The following MYCBP2 variants were observed in gnomAD, a reference collection of about 807,000 sequenced individuals.
MYCBP2 encodes E3 ubiquitin-protein ligase MYCBP2.
In MYCBP2, 120 loss-of-function variants were observed where a neutral mutation model predicts 525.3. The ratio of observed to expected loss-of-function variants is 0.23; its 90% CI spans 0.20 to 0.27. The LOEUF is 0.27. Among genes scored for constraint, MYCBP2 ranks in the 10% least tolerant of loss-of-function variants. The pLI, the probability that MYCBP2 is intolerant of heterozygous loss-of-function variation, is 1.00. For synonymous variants in MYCBP2, 1,894 were observed against 1,955.8 expected (o/e 0.97, Z 0.83); for missense variants, 4,149 against 5,657.1 (o/e 0.73, Z 8.55).
intron 15 of MYCBP2, among the ~76,000 whole-genome samples, chr13:77,249,807 TAAAG>T (rs1216180329): frequency 6.6e-6 from 1 of 152,142 alleles, no homozygotes; most frequent in Non-Finnish European, 1.5e-5. Flanking sequence ...AATTTAAAAA[TAAAG>T]AAGTTAGGTG....
chr13:77,078,756 T>C, intron 66 of MYCBP2, 68 bp downstream of exon 66: 9 of 1,259,228 alleles, frequency 7.1e-6, no homozygotes, highest in South Asian at 1.2e-5. Context: ...TGGAATTCAA[T>C]AGTGAAGGCT....
chr13:77,069,915 T>C (rs1005865417), intron 69 of MYCBP2, among the ~76,000 whole-genome samples: 3 of 152,096 alleles, frequency 2.0e-5, no homozygotes, highest in African/African-American at 7.2e-5. Flanking sequence ...ATCAATATTT[T>C]ATTTGACTTT....
At position 77,206,700 on chromosome 13, in the gene MYCBP2, C is replaced by G. The variant is rs766614571; in HGVS notation, c.3542G>C (p.Gly1181Ala). ...AGATCGGGTAGTGAGGGCCCTTGAT[C>G]CTGTTGGTAAGGCAAGTTCAGGACT... is the stretch of plus-strand genomic sequence containing the variant. ...ILSPELALPT[G>A]SRALTTRSHA... is the part of the protein sequence containing the mutation. Residue 1181 changes from glycine to alanine, a missense_variant, in exon 24 of 83, where the codon GGA becomes GCA. By Grantham distance (60) the Gly-to-Ala change is moderately conservative. Coordinates refer to ENST00000544440, the MANE Select transcript of MYCBP2 (RefSeq NM_015057.5). The G allele has an allele frequency of 6.2e-7, 1 of 1,609,934 alleles. No homozygotes were observed. Among genetic ancestry groups the G allele is most frequent in the Non-Finnish European group, 8.5e-7 (1 of 1,177,818 alleles).
intron 1 of MYCBP2, among the ~76,000 whole-genome samples, chr13:77,308,229 T>A (rs900087478): frequency 6.6e-6 from 1 of 152,166 alleles, no homozygotes; most frequent in Non-Finnish European, 1.5e-5. Context: ...ACCAATAAAA[T>A]AGAGACACCA....
chr13:77,310,777 C>T (rs558187817), intron 1 of MYCBP2, among the ~76,000 whole-genome samples: 1,821 of 112,372 alleles, frequency 0.016, 26 homozygotes, highest in Middle Eastern at 0.031. Flanking sequence ...GACGTGTGTG[C>T]GTGCGCATGC....
At chr13:77,168,805 AAAG>A (rs1432966753) in intron 39 of MYCBP2, among the ~76,000 whole-genome samples, 159 bp from the exon 40 acceptor site, 6 of 152,252 alleles carry the variant, frequency 3.9e-5, no homozygotes, top group Non-Finnish European at 7.3e-5. Context: ...TTGATTAAAA[AAAG>A]ATTTATCTTA....
Position 77,326,881 on chromosome 13 carries a change from C to G in MYCBP2, c.-106G>C. 1 of 1,072,748 alleles carries G rather than the reference C, an allele frequency of 9.3e-7. No homozygotes were observed. Among genetic ancestry groups the G allele is most frequent in the Non-Finnish European group, 1.2e-6 (1 of 814,552 alleles). The allele number at this position is 1,072,748 out of a possible 1,614,324, so 66.5% of individuals were successfully genotyped here. ...CCAACGACGACGGCTCCGGCGGCGGCCTCTGGCTCCCGCAGCAGGGAGACT... is the reference window on the plus strand; with the variant it reads ...CCAACGACGACGGCTCCGGCGGCGGGCTCTGGCTCCCGCAGCAGGGAGACT... On this transcript the variant is annotated 5_prime_UTR_variant, in exon 1 of 83. Transcript: ENST00000544440. This position sits in a 1 kb window ranked among gnomAD's most constrained non-coding sequence, Gnocchi z 4.2.
In MYCBP2 at chr13:77,233,194, T is replaced by C. The variant is rs1241257295; in HGVS notation, c.2699A>G (p.His900Arg). 2 of 1,613,740 alleles carry C rather than the reference T, an allele frequency of 1.2e-6. No homozygotes were observed. The highest frequency in any genetic ancestry group is 1.1e-5 in the South Asian group (1 of 91,060). ...CCGTTTATGCTTTAGCTGTGCTGGA[T>C]GGGATCTGAGTCTGGCTAGAGCCTG... Reference protein sequence around the residue: ...REQALARLRSHPAQLKHKRDK... With the variant: ...REQALARLRSRPAQLKHKRDK... The change falls in exon 18 of 83, where the codon CAT (histidine) becomes CGT (arginine). Residue 900 changes from histidine (H) to arginine (R), a missense_variant. Physicochemically the swap from His to Arg is conservative, Grantham distance 29 (BLOSUM62 0). Coordinates refer to ENST00000544440, the MANE Select transcript of MYCBP2 (RefSeq NM_015057.5).
chr13:77,273,349 A>T (rs1391810809), intron 5 of MYCBP2, 123 bp downstream of exon 5: 2 of 635,672 alleles, frequency 3.1e-6, no homozygotes, highest in East Asian at 6.1e-5. Flanking sequence ...TTTATGTATC[A>T]ATCTTGGACA....
Position 77,222,174 on chromosome 13 carries a change from T to C in MYCBP2, c.2939+2277A>G, listed in dbSNP as rs75612389. Among the ~76,000 whole-genome samples the C allele has an allele frequency of 2.3e-4, 35 of 152,288 alleles. 1 individual carries two copies. In the East Asian group the frequency reaches 4.6e-3, roughly 20 times the overall value. On this transcript the variant is annotated intron_variant, in intron 20 of 82. Transcript: ENST00000544440. ...AGATTCAGCCTCTGCATTTCAGTAA[T>C]GTTACTCAATTGCAAAGCAAAATAT...
rs1439615636 is a variant in MYCBP2, at chr13:77,251,177, A to G, written c.2355T>C (p.Ser785=). ...CTGYGASCVS[S]GRPDRVPGGI... Reference sequence around the variant, plus strand: ...CTCCGGGGACTCTGTCTGGCCGTCCACTACTGACACAGCTGGCTCCATAAC... The same window carrying G: ...CTCCGGGGACTCTGTCTGGCCGTCCGCTACTGACACAGCTGGCTCCATAAC... Residue 785 remains serine, a synonymous_variant, in exon 15 of 83, where the codon AGT becomes AGC. Coordinates refer to ENST00000544440, the MANE Select transcript of MYCBP2 (RefSeq NM_015057.5). 2 of 1,614,150 alleles carry G rather than the reference A, an allele frequency of 1.2e-6. No individual in the cohort carries two copies. The highest frequency in any genetic ancestry group is 1.7e-6 in the Non-Finnish European group (2 of 1,180,036).
intron 14 of MYCBP2, 71 bp from the exon 15 acceptor site, chr13:77,251,426 C>G: frequency 7.6e-7 from 1 of 1,310,074 alleles, no homozygotes. Flanking sequence ...GACTATATTT[C>G]CCAGTTTAAA....
chr13:77,186,986 G>GTT (rs1214055216), intron 30 of MYCBP2, among the ~76,000 whole-genome samples: 1 of 151,596 alleles, frequency 6.6e-6, no homozygotes, highest in Non-Finnish European at 1.5e-5. Context: ...TAATTTTTAA[G>GTT]TTTTTTTAGA....
At chr13:77,233,537 AATAG>A (rs945108960) in intron 17 of MYCBP2, among the ~76,000 whole-genome samples, 7 of 151,940 alleles carry the variant, frequency 4.6e-5, no homozygotes, top group African/African-American at 1.5e-4. Flanking sequence ...AATAGTCTCA[AATAG>A]ATAATCAAGA....
At chr13:77,174,763 G>C (rs1324473348) in intron 36 of MYCBP2, among the ~76,000 whole-genome samples, 1 of 148,842 alleles carries the variant, frequency 6.7e-6, no homozygotes, top group Non-Finnish European at 1.5e-5. Context: ...CTATTTTACA[G>C]ATGAGGAATC....
intron 69 of MYCBP2, among the ~76,000 whole-genome samples, 179 bp downstream of exon 69, chr13:77,070,452 C>T (rs2040992459): frequency 6.6e-6 from 1 of 151,502 alleles, no homozygotes; most frequent in African/African-American, 2.4e-5. Context: ...CTATTGTTAG[C>T]CTTAGTGTAT....
chr13:77,326,647 G>T lies in MYCBP2; in HGVS notation c.129C>A (p.Asp43Glu), dbSNP rs1475771708. 3.3e-6 allele frequency: 5 copies of T among 1,536,928 alleles called. No homozygotes were observed. In the African/African-American group the frequency reaches 5.7e-5, roughly 17 times the overall value. ...CCAGCCCCGCAGCAGCCACGGAGCC[G>T]TCGGGAACCGGCATGAACAGCGCCC... ...APGALFMPVPDGSVAAAGLGL... is the reference protein window; with the variant it reads ...APGALFMPVPEGSVAAAGLGL... The change falls in exon 1 of 83, where the codon GAC becomes GAA. Residue 43 changes from aspartate to glutamate, a missense_variant. By Grantham distance (45) the Asp-to-Glu change is conservative. Around this residue, in one of 21 missense-constraint regions of MYCBP2, gnomAD observed 413 missense variants for 451.2 expected, o/e 0.92. Coordinates refer to ENST00000544440, the MANE Select transcript of MYCBP2 (RefSeq NM_015057.5). The surrounding 1 kb of genome is among the most constrained non-coding windows in gnomAD (Gnocchi z 4.2).
chr13:77,242,827 CT>C (rs1270885158), intron 17 of MYCBP2, among the ~76,000 whole-genome samples: 7 of 152,168 alleles, frequency 4.6e-5, no homozygotes, highest in African/African-American at 1.7e-4. Flanking sequence ...CATAAACACC[CT>C]GCTGAATTAA....
At chr13:77,089,168 T>C in intron 60 of MYCBP2, 137 bp from the exon 61 acceptor site, 1 of 627,136 alleles carries the variant, frequency 1.6e-6, no homozygotes, top group East Asian at 2.9e-5. Context: ...TTTCAACTTT[T>C]ACTGAGGAAA....
Sources: gnomAD v4.1 joint callset for allele counts (sites outside exome capture counted in the v4.1 genomes callset) on GRCh38, gnomAD v4.1.1 for gene constraint, gnomAD v4.1.1 regional missense constraint, Gnocchi (gnomAD v3.1) non-coding constraint, MANE v1.5 for transcripts, NCBI Gene and HGNC (gene_info 2026-07-23, HGNC 2026-07-21) for gene names.